Variants in PLCL1 observed in about 807,000 individuals in gnomAD.
The protein encoded by PLCL1 is inactive phospholipase C-like protein 1.
PLCL1 carries 41 observed loss-of-function variants against 84.4 expected under a neutral mutation model. That is an observed-to-expected ratio of 0.49 (90% confidence interval 0.38 to 0.63). The LOEUF is 0.63. Among genes scored for constraint, PLCL1 ranks in the 30% least tolerant of loss-of-function variants. The pLI is 0.00. For missense variants in PLCL1, 1,206 were observed against 1,367.8 expected, an observed-to-expected ratio of 0.88 and a Z score of 1.87; for synonymous variants, 490 against 488.3, an observed-to-expected ratio of 1.00 and a Z score of -0.05.
intron 3 of PLCL1, among the ~76,000 whole-genome samples, chr2:198,093,667 G>C (rs988029400): frequency 6.6e-6 from 1 of 152,114 alleles, no homozygotes; most frequent in Admixed American, 6.5e-5. Flanking sequence ...GAACTGTGTA[G>C]ATGCCATCCA....
chr2:197,834,355 G>C (rs1466599275), intron 1 of PLCL1, among the ~76,000 whole-genome samples: 1 of 152,192 alleles, frequency 6.6e-6, no homozygotes, highest in Admixed American at 6.5e-5. Flanking sequence ...TGTCATCAGA[G>C]TGAACAGGCA....
chr2:197,939,769 T>C (rs1222201730), intron 1 of PLCL1, among the ~76,000 whole-genome samples: 1 of 148,150 alleles, frequency 6.7e-6, no homozygotes, highest in Non-Finnish European at 1.5e-5. Context: ...ATTCAACTTA[T>C]AACAGGATTA....
intron 1 of PLCL1, among the ~76,000 whole-genome samples, chr2:197,975,123 G>A (rs919304054): frequency 2.1e-5 from 3 of 144,520 alleles, no homozygotes; most frequent in Non-Finnish European, 1.5e-5. Context: ...AGTCCGGCCT[G>A]GGCGACAGAG....
At chr2:198,054,552 CT>C (rs1692017196) in intron 1 of PLCL1, among the ~76,000 whole-genome samples, 1 of 152,172 alleles carries the variant, frequency 6.6e-6, no homozygotes, top group South Asian at 2.1e-4. Flanking sequence ...ATCTCTGTAA[CT>C]TTTTTGGGAG....
chr2:197,813,202 C>T (rs746877947), intron 1 of PLCL1, among the ~76,000 whole-genome samples: 9 of 152,108 alleles, frequency 5.9e-5, no homozygotes, highest in Non-Finnish European at 1.2e-4. Context: ...ACAGGTCAGC[C>T]CTGATTGTTG....
intron 1 of PLCL1, among the ~76,000 whole-genome samples, chr2:197,950,373 C>A (rs1328933784): frequency 6.6e-6 from 1 of 152,120 alleles, no homozygotes; most frequent in African/African-American, 2.4e-5. Flanking sequence ...TCAGCCAGAC[C>A]TCTAATAACC....
chr2:198,026,444 A>G (rs1691267127), intron 1 of PLCL1, among the ~76,000 whole-genome samples: 1 of 152,168 alleles, frequency 6.6e-6, no homozygotes, highest in Non-Finnish European at 1.5e-5. Flanking sequence ...AATTAATTGA[A>G]CAGAGTAGTT....
At chr2:198,051,818 T>TCC (rs1172945563) in intron 1 of PLCL1, among the ~76,000 whole-genome samples, 231 of 151,412 alleles carry the variant, frequency 1.5e-3, no homozygotes, top group African/African-American at 5.3e-3. Context: ...CACTGCAACC[T>TCC]GTCTCCTGGG....
At chr2:198,040,424 A>G (rs920883124) in intron 1 of PLCL1, among the ~76,000 whole-genome samples, 2 of 152,108 alleles carry the variant, frequency 1.3e-5, no homozygotes, top group African/African-American at 4.8e-5. Flanking sequence ...ATGCTTTTTG[A>G]AAAGCTTTTC....
chr2:197,852,388 T>A (rs1288737209), intron 1 of PLCL1, among the ~76,000 whole-genome samples: 2 of 152,190 alleles, frequency 1.3e-5, no homozygotes, highest in Non-Finnish European at 2.9e-5. Context: ...ACTTCATGAC[T>A]GTTATCTGTT....
At chr2:197,866,703 T>C (rs1687554085) in intron 1 of PLCL1, among the ~76,000 whole-genome samples, 1 of 152,184 alleles carries the variant, frequency 6.6e-6, no homozygotes, top group South Asian at 2.1e-4. Flanking sequence ...GCACTAGTTC[T>C]GAAAGCTTCC....
chr2:198,104,480 G>A (rs1267724101), intron 5 of PLCL1, among the ~76,000 whole-genome samples: 2 of 151,900 alleles, frequency 1.3e-5, no homozygotes, highest in Admixed American at 1.3e-4. Flanking sequence ...TTGCTATTGT[G>A]AATAGTGCTG....
intron 1 of PLCL1, among the ~76,000 whole-genome samples, chr2:197,998,134 A>T (rs1193879202): frequency 6.7e-6 from 1 of 148,316 alleles, no homozygotes; most frequent in Admixed American, 6.7e-5. Flanking sequence ...GTGCCTATTT[A>T]TTCAGTTTTT....
chr2:198,075,051 A>G (rs192269306), intron 1 of PLCL1, among the ~76,000 whole-genome samples: 27 of 152,348 alleles, frequency 1.8e-4, no homozygotes, highest in African/African-American at 6.3e-4. Flanking sequence ...AGACTTCATC[A>G]TTGACTTTCC....
intron 5 of PLCL1, among the ~76,000 whole-genome samples, chr2:198,126,721 C>T (rs1203263182): frequency 1.3e-5 from 2 of 152,022 alleles, no homozygotes; most frequent in Non-Finnish European, 2.9e-5. Flanking sequence ...CCTGGGTAAC[C>T]TGGTGAGACC....
Position 197,805,190 on chromosome 2 carries a change from G to A in PLCL1, c.91G>A (p.Gly31Arg). ...CCCCCGAGTGGGCCCGGATGCCGCCGGGGACTGCGTGACGGCGGCCTCTGG... is the reference window on the plus strand; with the variant it reads ...CCCCCGAGTGGGCCCGGATGCCGCCAGGGACTGCGTGACGGCGGCCTCTGG... Reference protein sequence around the residue: ...DDPRVGPDAAGDCVTAASGGR... With the variant: ...DDPRVGPDAARDCVTAASGGR... Residue 31 changes from glycine to arginine, a missense_variant, in exon 1 of 6, where the codon GGG (glycine) becomes AGG (arginine). Gly to Arg is a moderately radical substitution (Grantham distance 125). Transcript: ENST00000428675. This position sits in a 1 kb window ranked among gnomAD's most constrained non-coding sequence, Gnocchi z 4.0. 2 of 1,280,414 alleles carry A rather than the reference G, an allele frequency of 1.6e-6. No individual in the cohort carries two copies. Among genetic ancestry groups the A allele is most frequent in the Non-Finnish European group, 2.0e-6 (2 of 1,015,906 alleles). 79.3% of individuals were successfully genotyped at this position (1,280,414 alleles called of 1,614,324 possible).
chr2:198,136,442 C>T (rs968953529), intron 5 of PLCL1, among the ~76,000 whole-genome samples: 2 of 152,060 alleles, frequency 1.3e-5, no homozygotes, highest in South Asian at 4.1e-4. Context: ...GGAGCTTATG[C>T]TGTAAATTCA....
intron 5 of PLCL1, among the ~76,000 whole-genome samples, chr2:198,125,512 T>G (rs1693963773): frequency 6.6e-6 from 1 of 152,120 alleles, no homozygotes; most frequent in Non-Finnish European, 1.5e-5. Flanking sequence ...AGAATTAAAT[T>G]CAGCTTCAGT....
intron 1 of PLCL1, among the ~76,000 whole-genome samples, chr2:198,003,591 G>A (rs190288845): frequency 2.0e-5 from 3 of 152,224 alleles, no homozygotes; most frequent in Admixed American, 6.5e-5. Context: ...ATTTCACCTC[G>A]TCTAACTTCT....
Sources: allele counts gnomAD v4.1 joint callset (sites outside exome capture counted in the v4.1 genomes callset), GRCh38; gene constraint gnomAD v4.1.1; non-coding constraint Gnocchi (gnomAD v3.1); transcripts MANE v1.5; gene names NCBI Gene and HGNC (gene_info 2026-07-23, HGNC 2026-07-21).